The following SPOP variants were observed in gnomAD, a reference collection of about 807,000 sequenced individuals.
The protein encoded by SPOP is speckle-type POZ protein.
SPOP carries 11 observed loss-of-function variants against 45.6 expected under a neutral mutation model. The observed-to-expected ratio is 0.24, with a 90% CI of 0.15 to 0.40. The LOEUF (loss-of-function observed/expected upper bound fraction) is 0.40. Ranked by LOEUF, SPOP falls within the 10% of genes least tolerant of loss-of-function variation. SPOP has a pLI of 1.00. For missense variants in SPOP, 152 were observed against 465.6 expected, an observed-to-expected ratio of 0.33 and a Z score of 6.20; for synonymous variants, 166 against 166.3, an observed-to-expected ratio of 1.00 and a Z score of 0.01.
intron 1 of SPOP, among the ~76,000 whole-genome samples, chr17:49,669,527 G>A (rs1396353052): frequency 6.8e-6 from 1 of 147,660 alleles, no homozygotes; most frequent in Admixed American, 6.8e-5. Flanking sequence ...AGGACTTTGG[G>A]AGGCTGAGGT....
intron 1 of SPOP, among the ~76,000 whole-genome samples, chr17:49,660,340 C>T (rs2072970670): frequency 6.6e-6 from 1 of 152,232 alleles, no homozygotes; most frequent in Non-Finnish European, 1.5e-5. Context: ...TTTACTCAAG[C>T]ATTACCTTTG....
chr17:49,677,085 C>T (rs1353247619), intron 1 of SPOP, among the ~76,000 whole-genome samples: 1 of 152,212 alleles, frequency 6.6e-6, no homozygotes, highest in Non-Finnish European at 1.5e-5. Flanking sequence ...CTTTATCTCT[C>T]TTATCTAGTT....
chr17:49,600,554 AG>A lies in SPOP; in HGVS notation c.981-33del, dbSNP rs1380715366. 6.2e-7 allele frequency: 1 copy of A among 1,613,438 alleles called. No homozygotes were observed. Among genetic ancestry groups the A allele is most frequent in the Non-Finnish European group, 8.5e-7 (1 of 1,179,688 alleles). Reference sequence around the variant, plus strand: ...GAAATGTGGAGAAATGGGTTACCAAAGGGAGTGAGCAAGGGATGAATTCAAC... The same window carrying A: ...GAAATGTGGAGAAATGGGTTACCAAAGGAGTGAGCAAGGGATGAATTCAAC... On this transcript the variant is annotated intron_variant, in intron 9 of 9. Coordinates refer to ENST00000504102, the MANE Select transcript of SPOP (RefSeq NM_001007228.2). This position sits in a 1 kb window ranked among gnomAD's most constrained non-coding sequence, Gnocchi z 4.2.
At chr17:49,602,439 G>A (rs936255380) in intron 8 of SPOP, 2 of 157,904 alleles carry the variant, frequency 1.3e-5, no homozygotes, top group African/African-American at 2.4e-5. Flanking sequence ...TGATCTGTGG[G>A]GAAGGGTGAA....
chr17:49,641,608 G>C (rs936415986), intron 1 of SPOP, among the ~76,000 whole-genome samples: 1 of 149,744 alleles, frequency 6.7e-6, no homozygotes, highest in Non-Finnish European at 1.5e-5. Context: ...TTCTCCCCTT[G>C]TATGTCAAAT....
At chr17:49,603,819 C>T (rs865888097) in intron 8 of SPOP, among the ~76,000 whole-genome samples, 5 of 152,182 alleles carry the variant, frequency 3.3e-5, no homozygotes. Context: ...AAAGCACTGC[C>T]GTGATTCAAC....
chr17:49,612,367 A>G (rs2071992382), intron 5 of SPOP, among the ~76,000 whole-genome samples: 1 of 152,232 alleles, frequency 6.6e-6, no homozygotes, highest in Non-Finnish European at 1.5e-5. Context: ...CTAGTAGTGA[A>G]AACTGGGTGA....
intron 1 of SPOP, among the ~76,000 whole-genome samples, chr17:49,624,334 C>G (rs911599490): frequency 8.2e-5 from 3 of 36,624 alleles, no homozygotes; most frequent in African/African-American, 2.6e-4. Context: ...CGCGCGCGCA[C>G]ACACACACAC....
At chr17:49,641,263 CAAAAAAAAAAAAAAA>C (rs34207707) in intron 1 of SPOP, among the ~76,000 whole-genome samples, 2 of 47,548 alleles carry the variant, frequency 4.2e-5, no homozygotes, top group Non-Finnish European at 7.4e-5. Context: ...ACTCTGTCTC[CAAAAAAAAAAAAAAA>C]AAAAAAAAAA....
chr17:49,647,605 C>T (rs2072782034), intron 1 of SPOP, among the ~76,000 whole-genome samples: 1 of 151,988 alleles, frequency 6.6e-6, no homozygotes, highest in African/African-American at 2.4e-5. Flanking sequence ...CTCAGCCTCC[C>T]GAGTAGCTGG....
intron 2 of SPOP, chr17:49,622,349 A>G: frequency 3.5e-6 from 2 of 565,060 alleles, no homozygotes. Flanking sequence ...CACCATGGAC[A>G]GGGCTGGGAA....
At chr17:49,611,886 C>T (rs1158650056) in intron 5 of SPOP, among the ~76,000 whole-genome samples, 1 of 146,288 alleles carries the variant, frequency 6.8e-6, no homozygotes, top group African/African-American at 2.5e-5. Flanking sequence ...AATCTGATCA[C>T]TTTTTTTTTT....
chr17:49,665,027 A>G (rs976971428), intron 1 of SPOP, among the ~76,000 whole-genome samples: 1 of 152,084 alleles, frequency 6.6e-6, no homozygotes, highest in African/African-American at 2.4e-5. Flanking sequence ...AATAGGTTTC[A>G]TTTCCTTATG....
chr17:49,641,700 T>C (rs2072654384), intron 1 of SPOP, among the ~76,000 whole-genome samples: 1 of 152,094 alleles, frequency 6.6e-6, no homozygotes, highest in Non-Finnish European at 1.5e-5. Context: ...TTCTAAAAAG[T>C]TGATACAAAC....
At chr17:49,656,018 G>C (rs145299419) in intron 1 of SPOP, among the ~76,000 whole-genome samples, 254 of 152,094 alleles carry the variant, frequency 1.7e-3, no homozygotes, top group African/African-American at 5.8e-3. Flanking sequence ...CTCCATGTTG[G>C]TCAGGCTGGT....
intron 1 of SPOP, chr17:49,646,396 T>A (rs2072758717): frequency 6.6e-6 from 1 of 152,054 alleles, no homozygotes; most frequent in Admixed American, 6.6e-5. Flanking sequence ...AAACCTCGTC[T>A]CTACTAAAAA....
intron 6 of SPOP, among the ~76,000 whole-genome samples, chr17:49,610,029 C>G (rs2071935772): frequency 6.6e-6 from 1 of 152,014 alleles, no homozygotes. Flanking sequence ...AAAGGGCCTC[C>G]TTTTCTCTTG....
intron 1 of SPOP, among the ~76,000 whole-genome samples, chr17:49,656,185 G>C (rs767854378): frequency 6.6e-6 from 1 of 152,084 alleles, no homozygotes; most frequent in South Asian, 2.1e-4. Flanking sequence ...TGAACTCTTT[G>C]ATATTACAAA....
chr17:49,601,912 G>T lies in SPOP; in HGVS notation c.933C>A (p.Leu311=), dbSNP rs2071747265. The T allele has an allele frequency of 6.2e-7, 1 of 1,614,028 alleles. No homozygotes were observed. Among genetic ancestry groups the T allele is most frequent in the African/African-American group, 1.3e-5 (1 of 74,920 alleles). ...NAAEILILAD[L]HSADQLKTQA... Reference sequence around the variant, plus strand: ...GAGTTTTCAACTGATCTGCACTGTGGAGGTCGGCCAGGATGAGAATTTCTG... The same window carrying T: ...GAGTTTTCAACTGATCTGCACTGTGTAGGTCGGCCAGGATGAGAATTTCTG... Residue 311 remains leucine (L), a synonymous_variant, in exon 9 of 10, where the codon CTC becomes CTA. Transcript: ENST00000504102.
Sources: allele counts gnomAD v4.1 joint callset (sites outside exome capture counted in the v4.1 genomes callset), GRCh38; gene constraint gnomAD v4.1.1; non-coding constraint Gnocchi (gnomAD v3.1); transcripts MANE v1.5; gene names NCBI Gene and HGNC (gene_info 2026-07-23, HGNC 2026-07-21).